The following SYT1 variants were observed in gnomAD, a reference collection of about 807,000 sequenced individuals.
SYT1 encodes synaptotagmin 1, also known as synaptotagmin-1.
SYT1 carries 8 observed loss-of-function variants against 44.8 expected under a neutral mutation model. That is an observed-to-expected ratio of 0.18 (90% CI 0.10 to 0.32). The LOEUF is 0.32. Among genes scored for constraint, SYT1 ranks in the 10% least tolerant of loss-of-function variants. The pLI, the probability that SYT1 is intolerant of heterozygous loss-of-function variation, is 1.00. For synonymous variants in SYT1, 154 were observed against 188.8 expected (o/e 0.82, Z 1.51); for missense variants, 286 against 509.3 (o/e 0.56, Z 4.22).
At chr12:78,876,361 G>A (rs974272062) in intron 1 of SYT1, among the ~76,000 whole-genome samples, 3 of 149,402 alleles carry the variant, frequency 2.0e-5, no homozygotes, top group Admixed American at 6.8e-5. Context: ...CAGTAATGAA[G>A]TAATAATTAA....
chr12:79,239,734 G>A (rs1054906481), intron 4 of SYT1, among the ~76,000 whole-genome samples: 1 of 152,198 alleles, frequency 6.6e-6, no homozygotes, highest in South Asian at 2.1e-4. Flanking sequence ...TGTCTCGCAA[G>A]GCTGCCATCA....
chr12:79,064,134 C>T (rs1216061987), intron 3 of SYT1, among the ~76,000 whole-genome samples: 7 of 152,130 alleles, frequency 4.6e-5, no homozygotes, highest in African/African-American at 1.4e-4. Context: ...TCTGTTAGTG[C>T]TGTGTGCTAC....
chr12:79,446,034 T>TATATATATATGTATATATATA (rs1491131045), intron 10 of SYT1, among the ~76,000 whole-genome samples: 1 of 115,542 alleles, frequency 8.7e-6, no homozygotes, highest in African/African-American at 3.4e-5. Flanking sequence ...TATATATATA[T>TATATATATATGTATATATATA]TATGCCTAGG....
At chr12:78,903,175 T>A (rs1321017160) in intron 1 of SYT1, among the ~76,000 whole-genome samples, 1 of 151,956 alleles carries the variant, frequency 6.6e-6, no homozygotes, top group Non-Finnish European at 1.5e-5. Flanking sequence ...CAAATAAATG[T>A]AGATACTTTT....
intron 3 of SYT1, among the ~76,000 whole-genome samples, chr12:79,205,051 G>T (rs1392782823): frequency 2.7e-5 from 4 of 146,250 alleles, no homozygotes; most frequent in African/African-American, 1.0e-4. Context: ...TGCAAGCTCC[G>T]CCTCCCGAGT....
intron 3 of SYT1, among the ~76,000 whole-genome samples, chr12:79,122,310 C>T (rs1565815865): frequency 1.3e-5 from 2 of 151,174 alleles, no homozygotes; most frequent in African/African-American, 2.4e-5. Context: ...GTCAGGAGAT[C>T]GAGACCATCC....
intron 1 of SYT1, among the ~76,000 whole-genome samples, chr12:78,872,268 A>T (rs1873861908): frequency 6.6e-6 from 1 of 151,680 alleles, no homozygotes; most frequent in Non-Finnish European, 1.5e-5. Context: ...TTTTTTCTGG[A>T]GAATCTTAGA....
At chr12:79,116,721 T>C (rs539526845) in intron 3 of SYT1, among the ~76,000 whole-genome samples, 3 of 152,366 alleles carry the variant, frequency 2.0e-5, no homozygotes, top group Non-Finnish European at 4.4e-5. Flanking sequence ...TAGTATGCTA[T>C]ACTCACTTTA....
At chr12:79,125,830 G>T (rs1283317184) in intron 3 of SYT1, among the ~76,000 whole-genome samples, 2 of 152,080 alleles carry the variant, frequency 1.3e-5, no homozygotes, top group African/African-American at 2.4e-5. Flanking sequence ...TTGCACAAAG[G>T]CCTCCTTATC....
chr12:79,036,120 C>T (rs949960208), intron 2 of SYT1, among the ~76,000 whole-genome samples: 1 of 151,702 alleles, frequency 6.6e-6, no homozygotes, highest in Non-Finnish European at 1.5e-5. Flanking sequence ...CTAACAACTA[C>T]TCATTTTAAG....
chr12:79,003,664 A>G (rs1040973548), intron 2 of SYT1, among the ~76,000 whole-genome samples: 1 of 151,962 alleles, frequency 6.6e-6, no homozygotes, highest in African/African-American at 2.4e-5. Context: ...TATACTGCAG[A>G]TCTTTCTGAA....
At chr12:79,366,285 T>A (rs1401405551) in intron 9 of SYT1, among the ~76,000 whole-genome samples, 1 of 152,226 alleles carries the variant, frequency 6.6e-6, no homozygotes, top group Non-Finnish European at 1.5e-5. Flanking sequence ...TTCACCAAAA[T>A]TTTTTAAAAA....
At chr12:79,018,802 A>G (rs1169725416) in intron 2 of SYT1, among the ~76,000 whole-genome samples, 2 of 152,064 alleles carry the variant, frequency 1.3e-5, no homozygotes, top group African/African-American at 4.8e-5. Context: ...AATTTGGGAA[A>G]GACATGTTAA....
chr12:79,014,371 A>T (rs1004000934), intron 2 of SYT1, among the ~76,000 whole-genome samples: 6 of 152,150 alleles, frequency 3.9e-5, no homozygotes, highest in Non-Finnish European at 8.8e-5. Flanking sequence ...TAACCATTCC[A>T]TATCATGCCT....
At chr12:79,357,804 G>A (rs75733773) in intron 9 of SYT1, among the ~76,000 whole-genome samples, 1 of 152,094 alleles carries the variant, frequency 6.6e-6, no homozygotes, top group Non-Finnish European at 1.5e-5. Context: ...TGTCTCAATA[G>A]CTTCGTTGCC....
chr12:78,950,652 T>C (rs1211881710), intron 1 of SYT1, among the ~76,000 whole-genome samples: 4 of 152,126 alleles, frequency 2.6e-5, no homozygotes, highest in Non-Finnish European at 1.5e-5. Context: ...TGTGTTTGGA[T>C]GATTCCTTGG....
At chr12:79,314,168 C>CAAAAA (rs34951756) in intron 8 of SYT1, among the ~76,000 whole-genome samples, 3 of 67,276 alleles carry the variant, frequency 4.5e-5, no homozygotes, top group African/African-American at 1.3e-4. Context: ...GACTCCGTCT[C>CAAAAA]AAAAAAAAAA....
chr12:79,000,234 T>C (rs548192549), intron 2 of SYT1, among the ~76,000 whole-genome samples: 1 of 152,036 alleles, frequency 6.6e-6, no homozygotes, highest in South Asian at 2.1e-4. Flanking sequence ...CCTCCCTTGC[T>C]GTTTAACATA....
intron 1 of SYT1, among the ~76,000 whole-genome samples, chr12:78,957,777 G>C (rs890628588): frequency 6.6e-6 from 1 of 151,936 alleles, no homozygotes; most frequent in African/African-American, 2.4e-5. Flanking sequence ...TCTTAATCTT[G>C]TAAGGTGTTT....
Sources: allele counts gnomAD v4.1 joint callset (sites outside exome capture counted in the v4.1 genomes callset), GRCh38; gene constraint gnomAD v4.1.1; transcripts MANE v1.5; gene names NCBI Gene and HGNC (gene_info 2026-07-23, HGNC 2026-07-21).